SLC45A4: variants seen among roughly 807,000 people sequenced by gnomAD.
The protein encoded by SLC45A4 is solute carrier family 45 member 4.
SLC45A4 carries 32 observed loss-of-function variants against 63.7 expected under a neutral mutation model. The observed-to-expected ratio is 0.50, with a 90% CI of 0.38 to 0.67. The LOEUF is 0.67. Ranked by LOEUF, SLC45A4 falls within the 30% of genes least tolerant of loss-of-function variation. SLC45A4 has a pLI of 0.00. For missense variants in SLC45A4, 1,027 were observed against 1,157.7 expected (o/e 0.89, Z 1.64); for synonymous variants, 535 against 510.0 (o/e 1.05, Z -0.66).
At chr8:141,245,146 T>C (rs1186620363) in intron 2 of SLC45A4, among the ~76,000 whole-genome samples, 6 of 152,154 alleles carry the variant, frequency 3.9e-5, no homozygotes, top group Non-Finnish European at 8.8e-5. Flanking sequence ...AGCTAACAAT[T>C]ACAGGCTCTG....
In SLC45A4 at chr8:141,209,213, T is replaced by C. The variant is rs907520549; in HGVS notation, c.*2359A>G. The C allele has an allele frequency of 1.3e-5, 2 of 152,298 alleles. No homozygotes were observed. The highest frequency in any genetic ancestry group is 4.8e-5 in the African/African-American group (2 of 41,432). 9.4% of individuals were successfully genotyped at this position (152,298 alleles called of 1,614,324 possible). A position where few individuals can be genotyped will look rare whatever the true frequency, so the allele number is the denominator to read the frequency against. Reference sequence around the variant, plus strand: ...ACTGCATCCGTCTGAGGTACAAGGTTAGAAGCCACAGACACCCGAGCTGCA... The same window carrying C: ...ACTGCATCCGTCTGAGGTACAAGGTCAGAAGCCACAGACACCCGAGCTGCA... On this transcript the variant is annotated 3_prime_UTR_variant, in exon 9 of 9. Coordinates refer to ENST00000517878, the MANE Select transcript of SLC45A4 (RefSeq NM_001286646.2).
chr8:141,273,710 A>C (rs1229094077), intron 1 of SLC45A4, among the ~76,000 whole-genome samples: 1 of 152,060 alleles, frequency 6.6e-6, no homozygotes, highest in Non-Finnish European at 1.5e-5. Flanking sequence ...TTCCATGTAA[A>C]ATCAAGTCAA....
At chr8:141,293,302 A>C (rs1441947604) in intron 1 of SLC45A4, among the ~76,000 whole-genome samples, 1 of 152,016 alleles carries the variant, frequency 6.6e-6, no homozygotes, top group Non-Finnish European at 1.5e-5. Context: ...AAAATACAAA[A>C]AACTAGCCAG....
intron 1 of SLC45A4, among the ~76,000 whole-genome samples, chr8:141,304,324 C>G (rs1830833639): frequency 6.6e-6 from 1 of 151,854 alleles, no homozygotes; most frequent in Admixed American, 6.6e-5. Flanking sequence ...TTCGGGAGGC[C>G]CAGGCAGGCA....
Position 141,256,593 on chromosome 8 carries a change from C to T in SLC45A4, c.-400-1964G>A, listed in dbSNP as rs947599504. 2 of 456,146 alleles carry T rather than the reference C, an allele frequency of 4.4e-6. No individual in the cohort carries two copies. Among genetic ancestry groups the T allele is most frequent in the Admixed American group, 2.3e-5 (1 of 42,562 alleles). 28.3% of individuals were successfully genotyped at this position (456,146 alleles called of 1,614,324 possible). The stretch of plus-strand genomic sequence containing the variant: ...AAGGAAGCCGTGCGCCTGGCTCTTA[C>T]GTCCCAGCTCTTCCCTACATCTTCT... On this transcript the variant is annotated intron_variant, in intron 1 of 8. Transcript: ENST00000517878. The surrounding 1 kb of genome is among the most constrained non-coding windows in gnomAD (Gnocchi z 4.3).
intron 2 of SLC45A4, among the ~76,000 whole-genome samples, chr8:141,222,699 G>A (rs982424477): frequency 3.3e-5 from 5 of 152,230 alleles, no homozygotes; most frequent in African/African-American, 7.2e-5. Context: ...CCGTGAGCAC[G>A]AGCCCACTCA....
intron 2 of SLC45A4, among the ~76,000 whole-genome samples, chr8:141,238,338 A>G (rs1827732258): frequency 6.6e-6 from 1 of 151,984 alleles, no homozygotes; most frequent in Non-Finnish European, 1.5e-5. Flanking sequence ...CATCGAATTG[A>G]CCTTTTTAAT....
intron 1 of SLC45A4, among the ~76,000 whole-genome samples, chr8:141,267,907 T>C (rs1829345200): frequency 6.6e-6 from 1 of 152,190 alleles, no homozygotes; most frequent in African/African-American, 2.4e-5. Flanking sequence ...GTTTGCCCAT[T>C]TTCACAAAAC....
At chr8:141,228,003 G>A (rs1292993228) in intron 2 of SLC45A4, among the ~76,000 whole-genome samples, 2 of 152,150 alleles carry the variant, frequency 1.3e-5, no homozygotes, top group African/African-American at 2.4e-5. Flanking sequence ...AGGAGAGGAG[G>A]AATTGAAACT....
chr8:141,294,680 GGCCACCA>G (rs1031554830), intron 1 of SLC45A4, among the ~76,000 whole-genome samples: 6 of 152,254 alleles, frequency 3.9e-5, no homozygotes, highest in African/African-American at 1.4e-4. Context: ...GCTAAATGGG[GGCCACCA>G]GCCAGCATGG....
At chr8:141,247,423 T>C (rs1828267983) in intron 2 of SLC45A4, among the ~76,000 whole-genome samples, 1 of 152,206 alleles carries the variant, frequency 6.6e-6, no homozygotes, top group Non-Finnish European at 1.5e-5. Flanking sequence ...GTTGAGAAGA[T>C]ATATTATGTT....
Position 141,215,722 on chromosome 8 carries a change from G to C in SLC45A4, c.1941+37C>G. The C allele has an allele frequency of 1.3e-6, 2 of 1,598,334 alleles. No homozygotes were observed. The highest frequency in any genetic ancestry group is 2.2e-5 in the South Asian group (2 of 90,858). ...CTGTATGGAGGGAAGGCACTCAGGA[G>C]GCTGGAGCGCAGATCTCAGGGCTAC... On this transcript the variant is annotated intron_variant, in intron 7 of 8. Transcript: ENST00000517878. The surrounding 1 kb of genome is among the most constrained non-coding windows in gnomAD (Gnocchi z 4.3).
rs201350370 is a variant in SLC45A4, at chr8:141,212,532, A to C, written c.1966T>G (p.Ser656Ala). Residue 656 changes from serine (S) to alanine (A), a missense_variant, in exon 8 of 9, where the codon TCC (serine) becomes GCC (alanine). Coordinates refer to ENST00000517878, the MANE Select transcript of SLC45A4 (RefSeq NM_001286646.2). ...CAATCTATGCCAAACCCTCGCTTGG[A>C]GTTCCCGGGGCTGTGGTGGATGTAC... Reference protein sequence around the residue: ...KQYIHHSPGNSKRGFGIDCAI... With the variant: ...KQYIHHSPGNAKRGFGIDCAI... 94 of 1,609,026 alleles carry C rather than the reference A, an allele frequency of 5.8e-5. 1 individual carries two copies. The East Asian group carries it at 7.2e-4, about 12-fold the overall frequency.
intron 1 of SLC45A4, among the ~76,000 whole-genome samples, chr8:141,255,537 G>A (rs1303215076): frequency 6.6e-6 from 1 of 152,168 alleles, no homozygotes; most frequent in Admixed American, 6.5e-5. Context: ...GCAACATGGC[G>A]AAAGCCCATC....
At chr8:141,298,041 G>GC (rs145637307) in intron 1 of SLC45A4, among the ~76,000 whole-genome samples, 152,318 of 152,318 alleles carry the variant, frequency 1, 76,159 homozygotes, top group Non-Finnish European at 1. Context: ...CCTGCTGTGC[G>GC]ACAGCCCTGC....
chr8:141,228,311 A>C, intron 2 of SLC45A4: 1 of 1,606,214 alleles, frequency 6.2e-7, no homozygotes, highest in East Asian at 2.2e-5. Context: ...CCTCCCAGCA[A>C]CTCCCAGGGG....
intron 1 of SLC45A4, among the ~76,000 whole-genome samples, chr8:141,269,661 G>C (rs2887490): frequency 1 from 151,851 of 151,928 alleles, 75,887 homozygotes; most frequent in Middle Eastern, 1. Flanking sequence ...GTCTGCCTGC[G>C]TCTGTATGTC....
rs375645569 is a variant in SLC45A4, at chr8:141,303,304, GT to G, written c.-401+4791del. 8.8e-3 allele frequency among the ~76,000 whole-genome samples: 1,099 copies of G among 124,636 alleles called. 11 individuals are homozygous for G. Among genetic ancestry groups the G allele is most frequent in the African/African-American group, 0.03 (993 of 32,560 alleles). 81.8% of individuals were successfully genotyped at this position (124,636 alleles called of 152,430 possible). A position where few individuals can be genotyped will look rare whatever the true frequency, so the allele number is the denominator to read the frequency against. On this transcript the variant is annotated intron_variant, in intron 1 of 8. Transcript: ENST00000517878. ...GTGCCATCGTGCCCGGCTAATTTTT[GT>G]TTTTTTTTTTTTTTTGGACAGGTGG...
At chr8:141,217,060 G>T (rs770104274) in intron 6 of SLC45A4, 30 bp downstream of exon 6, 1 of 1,604,930 alleles carries the variant, frequency 6.2e-7, no homozygotes, top group East Asian at 2.2e-5. Flanking sequence ...TCTGGGGTGC[G>T]AGTGCTGACC....
Sources: allele counts gnomAD v4.1 joint callset (sites outside exome capture counted in the v4.1 genomes callset), GRCh38; gene constraint gnomAD v4.1.1; non-coding constraint Gnocchi (gnomAD v3.1); transcripts MANE v1.5; gene names NCBI Gene and HGNC (gene_info 2026-07-23, HGNC 2026-07-21).